The following HIP1 variants were observed in gnomAD, a reference collection of about 807,000 sequenced individuals.
The protein encoded by HIP1 is huntingtin interacting protein 1.
In HIP1, 65 loss-of-function variants were observed where a neutral mutation model predicts 147.6. The observed-to-expected ratio is 0.44, with a 90% CI of 0.36 to 0.54. The LOEUF is 0.54. Among genes scored for constraint, HIP1 ranks in the 20% least tolerant of loss-of-function variants. The pLI is 0.00. For missense variants in HIP1, 1,061 were observed against 1,299.6 expected (o/e 0.82, Z 2.82); for synonymous variants, 479 against 504.0 (o/e 0.95, Z 0.67).
At chr7:75,572,846 C>T (rs1795695243) in intron 8 of HIP1, among the ~76,000 whole-genome samples, 1 of 152,200 alleles carries the variant, frequency 6.6e-6, no homozygotes, top group Admixed American at 6.5e-5. Context: ...CACCCGCCCC[C>T]AGCCCCAGCT....
intron 1 of HIP1, among the ~76,000 whole-genome samples, chr7:75,612,979 C>T (rs1797500816): frequency 1.3e-5 from 2 of 152,076 alleles, no homozygotes; most frequent in African/African-American, 4.8e-5. Context: ...TGGCAGGTGC[C>T]TGTAATCCCA....
At chr7:75,664,624 AGACG>A (rs1184588572) in intron 1 of HIP1, among the ~76,000 whole-genome samples, 3 of 151,460 alleles carry the variant, frequency 2.0e-5, no homozygotes, top group East Asian at 1.9e-4. Flanking sequence ...AGAGACAGGC[AGACG>A]GACAGACAAA....
intron 1 of HIP1, among the ~76,000 whole-genome samples, chr7:75,719,937 G>A (rs1554521028): frequency 6.6e-6 from 1 of 152,076 alleles, no homozygotes; most frequent in Non-Finnish European, 1.5e-5. Context: ...ATGGACCCTA[G>A]GGGAGTTATT....
chr7:75,623,081 C>T (rs1797908561), intron 1 of HIP1, among the ~76,000 whole-genome samples: 1 of 151,276 alleles, frequency 6.6e-6, no homozygotes, highest in Non-Finnish European at 1.5e-5. Context: ...GCCTGTAATC[C>T]CAGCTACTCG....
intron 18 of HIP1, 95 bp from the exon 19 acceptor site, chr7:75,555,646 G>A: frequency 1.5e-6 from 2 of 1,379,148 alleles, no homozygotes; most frequent in African/African-American, 1.4e-5. Context: ...CTTAGCTCAA[G>A]TCATGGCCAA....
chr7:75,555,032 CA>C (rs368607373), intron 19 of HIP1, among the ~76,000 whole-genome samples: 20 of 151,818 alleles, frequency 1.3e-4, no homozygotes, highest in African/African-American at 4.6e-4. Context: ...AAACCGAAAC[CA>C]AAAATTAGCT....
intron 1 of HIP1, among the ~76,000 whole-genome samples, chr7:75,725,301 C>T (rs1554522233): frequency 6.6e-6 from 1 of 152,174 alleles, no homozygotes; most frequent in African/African-American, 2.4e-5. Flanking sequence ...GCTGTGATTA[C>T]AGGCATGCGG....
chr7:75,588,378 G>A (rs1796359092), intron 4 of HIP1, among the ~76,000 whole-genome samples: 1 of 152,122 alleles, frequency 6.6e-6, no homozygotes, highest in South Asian at 2.1e-4. Context: ...AATCTCTAAA[G>A]ACTTTAGATA....
At chr7:75,718,611 G>A (rs1397326116) in intron 1 of HIP1, among the ~76,000 whole-genome samples, 3 of 152,152 alleles carry the variant, frequency 2.0e-5, no homozygotes, top group Non-Finnish European at 2.9e-5. Flanking sequence ...GTTCTTCCTG[G>A]CCTATCTCTA....
chr7:75,657,423 G>A (rs965792991), intron 1 of HIP1, among the ~76,000 whole-genome samples: 2 of 151,566 alleles, frequency 1.3e-5, no homozygotes, highest in African/African-American at 2.4e-5. Flanking sequence ...CCAGCTACTC[G>A]GGAGGCTGAG....
In HIP1 at chr7:75,549,011, C is replaced by T. The variant is rs1554491591; in HGVS notation, c.2296-10G>A. The T allele has an allele frequency of 1.6e-5, 26 of 1,591,248 alleles. No individual in the cohort carries two copies. The highest frequency in any genetic ancestry group is 2.2e-5 in the Non-Finnish European group (25 of 1,159,094). ...CCCTGGGCAGGAGCTCCTGTGAACACATCACAAAGGCTGAACTGACCTTGG... is the reference window on the plus strand; with the variant it reads ...CCCTGGGCAGGAGCTCCTGTGAACATATCACAAAGGCTGAACTGACCTTGG... On this transcript the variant is annotated splice_polypyrimidine_tract_variant and intron_variant, in intron 22 of 30. Coordinates refer to ENST00000336926, the MANE Select transcript of HIP1 (RefSeq NM_005338.7).
At chr7:75,628,906 C>CA (rs1180861493) in intron 1 of HIP1, among the ~76,000 whole-genome samples, 24 of 152,116 alleles carry the variant, frequency 1.6e-4, no homozygotes, top group African/African-American at 4.8e-4. Flanking sequence ...ATATACAGGG[C>CA]AAAAAAGACA....
intron 7 of HIP1, among the ~76,000 whole-genome samples, chr7:75,577,479 AC>A (rs1403848296): frequency 6.6e-6 from 1 of 152,144 alleles, no homozygotes; most frequent in Non-Finnish European, 1.5e-5. Context: ...GACCAGAGCT[AC>A]CCGACTATAA....
chr7:75,661,687 C>T (rs1449158297), intron 1 of HIP1, among the ~76,000 whole-genome samples: 1 of 150,980 alleles, frequency 6.6e-6, no homozygotes, highest in Non-Finnish European at 1.5e-5. Flanking sequence ...GGATGCGAAG[C>T]AGGGAATGGG....
At chr7:75,729,744 C>G (rs1219627482) in intron 1 of HIP1, among the ~76,000 whole-genome samples, 3 of 152,120 alleles carry the variant, frequency 2.0e-5, no homozygotes, top group Non-Finnish European at 2.9e-5. Context: ...CGAGATCGCG[C>G]TACTGCACTC....
chr7:75,676,691 G>A (rs559808784), intron 1 of HIP1, among the ~76,000 whole-genome samples: 96 of 151,484 alleles, frequency 6.3e-4, no homozygotes, highest in African/African-American at 2.2e-3. Flanking sequence ...TAGAAGAATC[G>A]CTTGAACCCA....
chr7:75,679,545 T>C (rs1799996864), intron 1 of HIP1, among the ~76,000 whole-genome samples: 1 of 152,186 alleles, frequency 6.6e-6, no homozygotes, highest in African/African-American at 2.4e-5. Context: ...ATTTACTTTT[T>C]TACTTTTCTG....
chr7:75,548,829 C>G (rs1794669411), intron 23 of HIP1, 62 bp downstream of exon 23: 1 of 1,168,044 alleles, frequency 8.6e-7, no homozygotes, highest in Admixed American at 1.7e-5. Context: ...GTTTAATGAG[C>G]AGTGTTGCAG....
chr7:75,674,656 C>G (rs1799837798), intron 1 of HIP1, among the ~76,000 whole-genome samples: 1 of 152,146 alleles, frequency 6.6e-6, no homozygotes, highest in East Asian at 1.9e-4. Context: ...CCACACCTAA[C>G]TAATTTTTGT....
Sources: gnomAD v4.1 joint callset for allele counts (sites outside exome capture counted in the v4.1 genomes callset) on GRCh38, gnomAD v4.1.1 for gene constraint, MANE v1.5 for transcripts, NCBI Gene and HGNC (gene_info 2026-07-23, HGNC 2026-07-21) for gene names.